Variants in RPS6KC1 observed in about 807,000 individuals in gnomAD.
RPS6KC1 encodes the protein inactive ribosomal protein S6 kinase delta-1.
Under a neutral mutation model 103.8 loss-of-function variants are expected in RPS6KC1, and 54 were observed. The observed-to-expected ratio is 0.52, with a 90% confidence interval of 0.42 to 0.65. RPS6KC1 has a LOEUF of 0.65. Ranked by LOEUF, RPS6KC1 falls within the 30% of genes least tolerant of loss-of-function variation. The pLI is 0.00. For synonymous variants in RPS6KC1, 439 were observed against 438.7 expected (o/e 1.00, Z -0.01); for missense variants, 1,151 against 1,253.8 (o/e 0.92, Z 1.24).
At chr1:213,664,747 G>A in the RPS6KC1 span, among the ~76,000 whole-genome samples, 1 of 152,122 alleles carries the variant, frequency 6.6e-6, no homozygotes, top group African/African-American at 2.4e-5. Context: ...GTGGGGCTGA[G>A]GAAAGGATAG....
rs542552077 is a variant in RPS6KC1 at position 213,100,294 on chromosome 1, A to G, written c.263-4160A>G. Among the ~76,000 whole-genome samples the G allele has an allele frequency of 3.3e-5, 5 of 151,530 alleles. No individual in the cohort carries two copies. In the South Asian group the frequency reaches 6.3e-4, roughly 19 times the overall value. Reference sequence around the variant, plus strand: ...AAGTATCTGTTTACATCTTTTGTCTATTTTGTGGGGCTGGAGTTCTTTGTA... The same window carrying G: ...AAGTATCTGTTTACATCTTTTGTCTGTTTTGTGGGGCTGGAGTTCTTTGTA... On this transcript the variant is annotated intron_variant, in intron 3 of 14. Transcript: ENST00000366960.
At chr1:213,582,230 TA>T in the RPS6KC1 span, among the ~76,000 whole-genome samples, 337 of 152,164 alleles carry the variant, frequency 2.2e-3, no homozygotes, top group African/African-American at 7.5e-3. Context: ...ATTTCTCACA[TA>T]GGGTGCCACC....
intron 7 of RPS6KC1, among the ~76,000 whole-genome samples, chr1:213,168,509 C>T (rs1032434889): frequency 5.3e-5 from 8 of 152,078 alleles, no homozygotes; most frequent in Admixed American, 3.3e-4. Flanking sequence ...TATGCTGTAT[C>T]GACCTGGATT....
the RPS6KC1 span, among the ~76,000 whole-genome samples, chr1:213,493,861 G>A: frequency 6.6e-6 from 1 of 150,660 alleles, no homozygotes; most frequent in African/African-American, 2.4e-5. Context: ...GGAAATCATG[G>A]CATGCCATGT....
chr1:213,533,687 G>A, the RPS6KC1 span, among the ~76,000 whole-genome samples: 3 of 152,128 alleles, frequency 2.0e-5, no homozygotes, highest in Non-Finnish European at 4.4e-5. Context: ...TCCCTGAAAC[G>A]TTCTCTCCAC....
chr1:213,376,185 A>G, the RPS6KC1 span, among the ~76,000 whole-genome samples: 1 of 152,156 alleles, frequency 6.6e-6, no homozygotes, highest in Non-Finnish European at 1.5e-5. Flanking sequence ...ACTGGCAGAC[A>G]AAACAATATC....
chr1:213,419,110 C>A, the RPS6KC1 span, among the ~76,000 whole-genome samples: 1 of 152,230 alleles, frequency 6.6e-6, no homozygotes, highest in Admixed American at 6.5e-5. Flanking sequence ...TCCCCCTGGC[C>A]TGACTGCCTC....
intron 6 of RPS6KC1, among the ~76,000 whole-genome samples, chr1:213,154,541 G>A (rs1156636719): frequency 2.0e-5 from 3 of 152,200 alleles, no homozygotes; most frequent in Non-Finnish European, 4.4e-5. Flanking sequence ...ACTCACCCCA[G>A]ACCATAGGAC....
the RPS6KC1 span, among the ~76,000 whole-genome samples, chr1:213,556,827 G>A: frequency 6.6e-6 from 1 of 152,172 alleles, no homozygotes; most frequent in Non-Finnish European, 1.5e-5. Context: ...AAACTGTCAG[G>A]TCAGGAAGCT....
At chr1:213,419,237 C>T in the RPS6KC1 span, among the ~76,000 whole-genome samples, 1 of 152,236 alleles carries the variant, frequency 6.6e-6, no homozygotes, top group Non-Finnish European at 1.5e-5. Context: ...TGCTCTCCCT[C>T]AGCCAGCAGC....
chr1:213,602,120 CTCTTTCTTTCTTTCTTTCTT>C, the RPS6KC1 span, among the ~76,000 whole-genome samples: 1 of 5,156 alleles, frequency 1.9e-4, no homozygotes, highest in Non-Finnish European at 3.7e-4. Flanking sequence ...TTCTTTCTTT[CTCTTTCTTTCTTTCTTTCTT>C]TCTTTCTTTC....
At chr1:213,718,037 A>G in the RPS6KC1 span, among the ~76,000 whole-genome samples, 1 of 152,220 alleles carries the variant, frequency 6.6e-6, no homozygotes, top group East Asian at 1.9e-4. Context: ...CCACGGAGGC[A>G]TCATCTGTCT....
chr1:213,303,517 GGT>G, the RPS6KC1 span, among the ~76,000 whole-genome samples: 3,840 of 152,182 alleles, frequency 0.025, 72 homozygotes, highest in Non-Finnish European at 0.039. Flanking sequence ...TCTCTCTGGT[GGT>G]GCAGGAGCTG....
chr1:213,244,361 G>A (rs1038771741), intron 12 of RPS6KC1, among the ~76,000 whole-genome samples: 4 of 152,082 alleles, frequency 2.6e-5, no homozygotes, highest in Non-Finnish European at 5.9e-5. Context: ...ACATGCTAAA[G>A]TGAAGTACAG....
chr1:213,129,659 C>G lies in RPS6KC1; in HGVS notation c.605C>G (p.Ser202Ter). Reference protein sequence around the residue: ...TFGLNLSSDSSALGAVASDSE... With the variant: ...TFGLNLSSDS ...GGTCTCAATCTTTCTTCGGATTCTT[C>G]AGCACTAGGGGCTGTTGCTTCTGAC... Residue 202 changes from serine (S) to a stop codon, truncating the protein, a stop_gained, in exon 6 of 15, where the codon TCA (serine) becomes TGA (stop). Transcript: ENST00000366960. LOFTEE classifies it high-confidence loss of function. 6.2e-7 allele frequency: 1 copy of G among 1,614,074 alleles called. No individual in the cohort carries two copies. The highest frequency in any genetic ancestry group is 8.5e-7 in the Non-Finnish European group (1 of 1,179,984).
chr1:213,448,498 T>C, the RPS6KC1 span, among the ~76,000 whole-genome samples: 2 of 152,024 alleles, frequency 1.3e-5, no homozygotes, highest in Admixed American at 6.5e-5. Flanking sequence ...CAAATTACTG[T>C]GTCCAGAAAC....
intron 14 of RPS6KC1, among the ~76,000 whole-genome samples, chr1:213,268,641 AC>A (rs1424438301): frequency 6.7e-6 from 1 of 149,570 alleles, no homozygotes; most frequent in Non-Finnish European, 1.5e-5. Flanking sequence ...CAATTATAAA[AC>A]CATGCTATTG....
the RPS6KC1 span, among the ~76,000 whole-genome samples, chr1:213,598,062 G>A: frequency 1.4e-4 from 21 of 152,184 alleles, no homozygotes; most frequent in African/African-American, 4.3e-4. Context: ...GCCATTGCAA[G>A]TAATGTAAAT....
At chr1:213,158,385 A>T (rs1490321974) in intron 6 of RPS6KC1, among the ~76,000 whole-genome samples, 3 of 152,200 alleles carry the variant, frequency 2.0e-5, no homozygotes, top group African/African-American at 7.2e-5. Context: ...AGTTTTGATC[A>T]GACCCACCTA....
Sources: gnomAD v4.1 joint callset for allele counts (sites outside exome capture counted in the v4.1 genomes callset) on GRCh38, gnomAD v4.1.1 for gene constraint, MANE v1.5 for transcripts, NCBI Gene and HGNC (gene_info 2026-07-23, HGNC 2026-07-21) for gene names.